The following SLC9C1 variants were observed in gnomAD, a reference collection of about 807,000 sequenced individuals.
The protein encoded by SLC9C1 is sodium/hydrogen exchanger 10.
In SLC9C1, 97 loss-of-function variants were observed where a neutral mutation model predicts 140.9. The observed-to-expected ratio is 0.69, with a 90% CI of 0.58 to 0.82. The LOEUF (loss-of-function observed/expected upper bound fraction) is 0.82, where lower values mean the gene tolerates loss of function less well. Ranked by LOEUF, SLC9C1 falls within the 40% of genes least tolerant of loss-of-function variation. SLC9C1 has a pLI of 0.00. For missense variants in SLC9C1, 1,340 were observed against 1,389.3 expected, an observed-to-expected ratio of 0.96 and a Z score of 0.56; for synonymous variants, 440 against 442.6, an observed-to-expected ratio of 0.99 and a Z score of 0.07.
intron 10 of SLC9C1, among the ~76,000 whole-genome samples, chr3:112,253,933 A>T (rs886399047): frequency 1.4e-4 from 21 of 152,334 alleles, no homozygotes; most frequent in African/African-American, 4.8e-4. Flanking sequence ...CACTACAAAA[A>T]TTCCACAAGG....
rs536883568 is a variant in SLC9C1 at position 112,185,573 on chromosome 3, C to A, written c.2524-3315G>T. ...TCCGCAGCACACACACTGTGGGCAC[C>A]TGTGCCCGGGGTCCCAGGGCTCGCC... On this transcript the variant is annotated intron_variant, in intron 20 of 28. Coordinates refer to ENST00000305815, the MANE Select transcript of SLC9C1 (RefSeq NM_183061.3). 266 of 1,611,282 alleles carry A rather than the reference C, an allele frequency of 1.7e-4. No individual in the cohort carries two copies. In the East Asian group the frequency reaches 5.9e-3, roughly 36 times the overall value.
Position 112,278,821 on chromosome 3 carries a change from G to T in SLC9C1, c.226C>A (p.Pro76Thr), listed in dbSNP as rs1158461788. The change falls in exon 4 of 29, where the codon CCA becomes ACA. Residue 76 changes from proline (P) to threonine (T), a missense_variant. Physicochemically the swap from Pro to Thr is conservative, Grantham distance 38. Coordinates refer to ENST00000305815, the MANE Select transcript of SLC9C1 (RefSeq NM_183061.3). ...RYANAIQWMS[P>T]DLFFRIFTPV... ...GTAAATATACGAAAAAATAAGTCTG[G>T]ACTCATCCATTGTATGGCGTTTGCG... 2.5e-6 allele frequency: 4 copies of T among 1,608,022 alleles called. No homozygotes were observed. The East Asian group carries it at 9.0e-5, about 36-fold the overall frequency.
intron 17 of SLC9C1, 102 bp downstream of exon 17, chr3:112,204,116 C>A: frequency 8.2e-7 from 1 of 1,217,748 alleles, no homozygotes; most frequent in Non-Finnish European, 1.1e-6. Context: ...AACATTAACC[C>A]AACAGAATAT....
chr3:112,288,711 G>A (rs966966348), intron 1 of SLC9C1, among the ~76,000 whole-genome samples: 9 of 152,164 alleles, frequency 5.9e-5, no homozygotes, highest in Admixed American at 5.2e-4. Context: ...AGTGAACTAT[G>A]ATCGTGACAC....
intron 26 of SLC9C1, among the ~76,000 whole-genome samples, chr3:112,156,141 C>G (rs965122013): frequency 6.6e-6 from 1 of 152,028 alleles, no homozygotes; most frequent in African/African-American, 2.4e-5. Flanking sequence ...GTCAACTATT[C>G]TTCATCATCT....
At chr3:112,232,143 T>C (rs2078846875) in intron 12 of SLC9C1, among the ~76,000 whole-genome samples, 2 of 152,196 alleles carry the variant, frequency 1.3e-5, no homozygotes, top group African/African-American at 4.8e-5. Context: ...GTGTTCTATC[T>C]TTAATACTAT....
intron 17 of SLC9C1, among the ~76,000 whole-genome samples, chr3:112,203,765 G>A (rs1471592524): frequency 1.3e-5 from 2 of 151,618 alleles, no homozygotes; most frequent in Non-Finnish European, 2.9e-5. Context: ...GACAATCAAA[G>A]GTTATTTTTG....
chr3:112,218,148 C>T (rs1180885321), intron 14 of SLC9C1, among the ~76,000 whole-genome samples: 2 of 149,396 alleles, frequency 1.3e-5, no homozygotes, highest in African/African-American at 4.9e-5. Flanking sequence ...AGCACTTGTC[C>T]CAAGTTTTCT....
chr3:112,156,087 T>C (rs28385403), intron 26 of SLC9C1, among the ~76,000 whole-genome samples: 1,529 of 152,236 alleles, frequency 0.01, 25 homozygotes, highest in African/African-American at 0.034. Flanking sequence ...TACTATTGAA[T>C]ACTAGAACTT....
intron 23 of SLC9C1, among the ~76,000 whole-genome samples, chr3:112,176,617 A>G (rs773520403): frequency 3.3e-5 from 5 of 152,224 alleles, no homozygotes; most frequent in Non-Finnish European, 5.9e-5. Flanking sequence ...GTTGCTCATG[A>G]TAACACTACA....
chr3:112,171,547 C>T (rs1576265248), intron 23 of SLC9C1, among the ~76,000 whole-genome samples: 1 of 152,094 alleles, frequency 6.6e-6, no homozygotes, highest in African/African-American at 2.4e-5. Flanking sequence ...ATCCCTAAGC[C>T]CATGACTCAT....
chr3:112,183,007 T>C (rs1459793593), intron 20 of SLC9C1, among the ~76,000 whole-genome samples: 1 of 152,230 alleles, frequency 6.6e-6, no homozygotes, highest in Non-Finnish European at 1.5e-5. Flanking sequence ...ATTTATCTAC[T>C]GTTGATTGAC....
chr3:112,254,607 A>G (rs1241502651), intron 10 of SLC9C1, among the ~76,000 whole-genome samples: 2 of 152,208 alleles, frequency 1.3e-5, no homozygotes, highest in East Asian at 3.8e-4. Context: ...AAATATAGAA[A>G]GGAAAGATCA....
Position 112,155,069 on chromosome 3 carries a change from AC to A in SLC9C1, c.3365-21del, listed in dbSNP as rs780869052. The A allele has an allele frequency of 6.9e-6, 11 of 1,588,804 alleles. No individual in the cohort carries two copies. The highest frequency in any genetic ancestry group is 3.5e-5 in the Admixed American group (2 of 57,288). On this transcript the variant is annotated intron_variant, in intron 26 of 28. Coordinates refer to ENST00000305815, the MANE Select transcript of SLC9C1 (RefSeq NM_183061.3). ...CTGAACCTGATTAAAAAAAAAAAAA[AC>A]AGTGTTAATTCAACCACTGAAGCAA... is the stretch of plus-strand genomic sequence containing the variant.
chr3:112,244,950 T>C (rs1433620721), intron 10 of SLC9C1, among the ~76,000 whole-genome samples: 1 of 152,214 alleles, frequency 6.6e-6, no homozygotes, highest in Non-Finnish European at 1.5e-5. Context: ...TGAGGTATAA[T>C]GTACATACAT....
chr3:112,175,610 G>C (rs2077322062), intron 23 of SLC9C1, among the ~76,000 whole-genome samples: 1 of 152,202 alleles, frequency 6.6e-6, no homozygotes, highest in African/African-American at 2.4e-5. Context: ...GTAACAAGGA[G>C]GTTTGAAACT....
At chr3:112,243,294 A>G (rs991699109) in intron 11 of SLC9C1, among the ~76,000 whole-genome samples, 1 of 152,252 alleles carries the variant, frequency 6.6e-6, no homozygotes, top group African/African-American at 2.4e-5. Flanking sequence ...ATGGATAAAG[A>G]AAATGTGGTA....
chr3:112,150,840 ATTT>A (rs1180027200), intron 28 of SLC9C1, among the ~76,000 whole-genome samples: 10,072 of 55,990 alleles, frequency 0.18, 481 homozygotes, highest in Middle Eastern at 0.35. Context: ...ATATATATAT[ATTT>A]TTTTTTTTTT....
At chr3:112,238,386 T>C (rs1236196572) in intron 12 of SLC9C1, among the ~76,000 whole-genome samples, 1 of 152,240 alleles carries the variant, frequency 6.6e-6, no homozygotes, top group Non-Finnish European at 1.5e-5. Context: ...TTTTAACTTC[T>C]CTGCGATGGG....
Sources: gnomAD v4.1 joint callset for allele counts (sites outside exome capture counted in the v4.1 genomes callset) on GRCh38, gnomAD v4.1.1 for gene constraint, MANE v1.5 for transcripts, NCBI Gene and HGNC (gene_info 2026-07-23, HGNC 2026-07-21) for gene names.